Variants in MFSD2A observed in about 807,000 individuals in gnomAD.
The protein encoded by MFSD2A is sodium-dependent lysophosphatidylcholine symporter 1.
In MFSD2A, 27 loss-of-function variants were observed where a neutral mutation model predicts 64.7. The observed-to-expected ratio is 0.42, with a 90% CI of 0.31 to 0.58. The LOEUF (loss-of-function observed/expected upper bound fraction) is 0.58. MFSD2A is among the 20% of genes least tolerant of loss of function. The probability of loss-of-function intolerance (pLI) is 0.18; values close to 1 mark genes in which losing one functional copy is unlikely to be tolerated. For missense variants in MFSD2A, 474 were observed against 679.5 expected, an observed-to-expected ratio of 0.70 and a Z score of 3.36; for synonymous variants, 258 against 273.4, an observed-to-expected ratio of 0.94 and a Z score of 0.55.
chr1:39,966,244 A>G (rs1362665499), intron 6 of MFSD2A, among the ~76,000 whole-genome samples: 1 of 152,156 alleles, frequency 6.6e-6, no homozygotes, highest in Non-Finnish European at 1.5e-5. Context: ...GAGATTTGGG[A>G]AGATTTGAAT....
In MFSD2A at chr1:39,958,922, G is replaced by C. The variant is rs1644980379; in HGVS notation, c.353+97G>C. On this transcript the variant is annotated intron_variant, in intron 3 of 13. Coordinates refer to ENST00000372811, the MANE Select transcript of MFSD2A (RefSeq NM_032793.5). This position sits in a 1 kb window ranked among gnomAD's most constrained non-coding sequence, Gnocchi z 4.7. ...TCTGTCTTGTCACAGGCAGAAGGGTGAGGAGAAGGAAGGAGTTAAAAGCCC... is the reference window on the plus strand; with the variant it reads ...TCTGTCTTGTCACAGGCAGAAGGGTCAGGAGAAGGAAGGAGTTAAAAGCCC... 7.1e-7 allele frequency: 1 copy of C among 1,414,510 alleles called. No individual in the cohort carries two copies. Among genetic ancestry groups the C allele is most frequent in the Non-Finnish European group, 9.5e-7 (1 of 1,048,180 alleles). The allele number at this position is 1,414,510 out of a possible 1,614,324, so 87.6% of individuals were successfully genotyped here.
Position 39,968,261 on chromosome 1 carries a change from G to A in MFSD2A, c.1209-73G>A. The stretch of plus-strand genomic sequence containing the variant: ...ACCCATGGTACTGCAAGCTTCCAGA[G>A]GGCCACCTCTTCTCATTAACACAGA... On this transcript the variant is annotated intron_variant, in intron 11 of 13. Transcript: ENST00000372811. This position sits in a 1 kb window ranked among gnomAD's most constrained non-coding sequence, Gnocchi z 4.4. The A allele has an allele frequency of 1.9e-6, 3 of 1,595,926 alleles. No individual in the cohort carries two copies. Among genetic ancestry groups the A allele is most frequent in the Non-Finnish European group, 2.6e-6 (3 of 1,166,452 alleles).
intron 1 of MFSD2A, 52 bp from the exon 2 acceptor site, chr1:39,957,034 TC>T: frequency 6.2e-7 from 1 of 1,604,442 alleles, no homozygotes; most frequent in Non-Finnish European, 8.5e-7. Flanking sequence ...TGTGGAACCT[TC>T]TTGGATGGAG....
chr1:39,962,575 G>A (rs1645067502), intron 3 of MFSD2A: 2 of 648,760 alleles, frequency 3.1e-6, no homozygotes, highest in East Asian at 2.7e-5. Context: ...GCAGCGGGGG[G>A]GCCTGGAGGC....
At chr1:39,956,768 T>A (rs2124754880) in intron 1 of MFSD2A, among the ~76,000 whole-genome samples, 1 of 151,734 alleles carries the variant, frequency 6.6e-6, no homozygotes, top group Admixed American at 6.6e-5. Flanking sequence ...TACAAAAAAT[T>A]AGCTGGGTGT....
At chr1:39,961,116 C>G (rs909706232) in intron 3 of MFSD2A, among the ~76,000 whole-genome samples, 2 of 151,222 alleles carry the variant, frequency 1.3e-5, no homozygotes, top group Non-Finnish European at 3.0e-5. Context: ...CATGCCTGGC[C>G]AGACCTCTCC....
rs1445864695 is a variant in MFSD2A at position 39,968,382 on chromosome 1, C to T, written c.1257C>T (p.His419=). The change falls in exon 12 of 14, where the codon CAC becomes CAT. Residue 419 remains histidine, a synonymous_variant. Transcript: ENST00000372811. The surrounding 1 kb of genome is among the most constrained non-coding windows in gnomAD (Gnocchi z 4.4). ...ACGACTTCCATCTGAAGCAGCCCCA[C>T]TTCCATGGAACCGAGCCCATCTTCT... The part of the protein sequence containing the change: ...VIDDFHLKQP[H]FHGTEPIFFS... The T allele has an allele frequency of 6.2e-7, 1 of 1,614,216 alleles. No individual in the cohort carries two copies. The highest frequency in any genetic ancestry group is 1.1e-5 in the South Asian group (1 of 91,090).
chr1:39,966,075 C>T, intron 6 of MFSD2A, 61 bp downstream of exon 6: 3 of 1,576,716 alleles, frequency 1.9e-6, no homozygotes. Context: ...GGTTTGTAGT[C>T]ATCCTAAAGA....
intron 8 of MFSD2A, 57 bp downstream of exon 8, chr1:39,966,989 G>A (rs1446210208): frequency 6.2e-7 from 1 of 1,612,512 alleles, no homozygotes; most frequent in African/African-American, 1.3e-5. Flanking sequence ...AGCGGGGTGA[G>A]CAGAGGTCTC....
chr1:39,966,653 G>C lies in MFSD2A; in HGVS notation c.767G>C (p.Cys256Ser). 1 of 1,614,080 alleles carries C rather than the reference G, an allele frequency of 6.2e-7. No individual in the cohort carries two copies. The highest frequency in any genetic ancestry group is 8.5e-7 in the Non-Finnish European group (1 of 1,179,996). Reference protein sequence around the residue: ...AGVIVCIYIICAVILILGVRE... With the variant: ...AGVIVCIYIISAVILILGVRE... The stretch of plus-strand genomic sequence containing the variant: ...GTCATTGTCTGTATCTATATAATCT[G>C]TGCTGTCATCCTGATCCTGGGCGTG... Residue 256 changes from cysteine to serine, a missense_variant, in exon 7 of 14, where the codon TGT becomes TCT. Transcript: ENST00000372811.
rs1404085234 is a variant in MFSD2A at position 39,955,966 on chromosome 1, A to G, written c.93+581A>G. Among the ~76,000 whole-genome samples the G allele has an allele frequency of 6.6e-6, 1 of 152,246 alleles. No individual in the cohort carries two copies. The highest frequency in any genetic ancestry group is 2.4e-5 in the African/African-American group (1 of 41,462). On this transcript the variant is annotated intron_variant, in intron 1 of 13. Transcript: ENST00000372811. The surrounding 1 kb of genome is among the most constrained non-coding windows in gnomAD (Gnocchi z 5.9). ...GCCCTGGGGACTTATTGAAGGACCA[A>G]ATAAAATGAGGCGGCCCCCTAGGAA...
chr1:39,969,406 C>A, intron 13 of MFSD2A, 99 bp from the exon 14 acceptor site: 2 of 1,056,962 alleles, frequency 1.9e-6, no homozygotes, highest in Non-Finnish European at 1.4e-6. Context: ...CACTTTAGTC[C>A]GACAGCAGGG....
At chr1:39,967,562 G>C in intron 9 of MFSD2A, 66 bp from the exon 10 acceptor site, 1 of 1,473,570 alleles carries the variant, frequency 6.8e-7, no homozygotes, top group Non-Finnish European at 9.5e-7. Context: ...TTGGGGTTCT[G>C]GGAAGGGCAG....
intron 1 of MFSD2A, among the ~76,000 whole-genome samples, chr1:39,956,679 C>A (rs1220191849): frequency 6.6e-6 from 1 of 151,958 alleles, no homozygotes; most frequent in Non-Finnish European, 1.5e-5. Flanking sequence ...ATGGAGAACA[C>A]CTTTCTTTTG....
In MFSD2A at chr1:39,955,305, G is replaced by A. The variant is rs748299994; in HGVS notation, c.13G>A (p.Glu5Lys). Reference protein sequence around the residue: MAKGEGAESGSAAGL... With the variant: MAKGKGAESGSAAGL... ...TGGCCCGCGGGTCATGGCCAAAGGA[G>A]AAGGCGCCGAGAGCGGCTCCGCGGC... Residue 5 changes from glutamate to lysine, a missense_variant, in exon 1 of 14, where the codon GAA (glutamate) becomes AAA (lysine). Coordinates refer to ENST00000372811, the MANE Select transcript of MFSD2A (RefSeq NM_032793.5). The surrounding 1 kb of genome is among the most constrained non-coding windows in gnomAD (Gnocchi z 5.9). 7 of 1,444,096 alleles carry A rather than the reference G, an allele frequency of 4.8e-6. No individual in the cohort carries two copies. Among genetic ancestry groups the A allele is most frequent in the Non-Finnish European group, 6.4e-6 (7 of 1,097,014 alleles). 89.5% of individuals were successfully genotyped at this position (1,444,096 alleles called of 1,614,324 possible).
In MFSD2A at chr1:39,956,915, C is replaced by CAAAA. The variant is rs34385828; in HGVS notation, c.94-145_94-142dup. On this transcript the variant is annotated intron_variant, in intron 1 of 13. Coordinates refer to ENST00000372811, the MANE Select transcript of MFSD2A (RefSeq NM_032793.5). ...TGGGCAACAGAGCAAGACTCTGTCT[C>CAAAA]AAAAAAAAAAAAAAAAAAAAAAAAA... 7.1e-4 allele frequency among the ~76,000 whole-genome samples: 25 copies of CAAAA among 35,366 alleles called. 1 individual carries two copies. The highest frequency in any genetic ancestry group is 1.2e-3 in the Non-Finnish European group (23 of 18,670). The allele number at this position is 35,366 out of a possible 152,430, so 23.2% of individuals were successfully genotyped here.
rs747325034 is a variant in MFSD2A at position 39,965,173 on chromosome 1, C to T, written c.354-38C>T. 3.7e-6 allele frequency: 6 copies of T among 1,612,454 alleles called. No individual in the cohort carries two copies. The East Asian group carries it at 6.7e-5, about 18-fold the overall frequency. On this transcript the variant is annotated intron_variant, in intron 3 of 13. Transcript: ENST00000372811. This position sits in a 1 kb window ranked among gnomAD's most constrained non-coding sequence, Gnocchi z 5.5. The stretch of plus-strand genomic sequence containing the variant: ...CTGGGCTGGGCCTGGTCCTGGGCTC[C>T]AGCCTCCAGCCTCCACTCACACCCT...
chr1:39,962,588 T>G, intron 3 of MFSD2A: 2 of 710,272 alleles, frequency 2.8e-6, no homozygotes, highest in South Asian at 3.3e-5. Flanking sequence ...CTGGAGGCCC[T>G]GGTGGCCCTG....
At chr1:39,957,422 T>C (rs1339784846) in intron 2 of MFSD2A, among the ~76,000 whole-genome samples, 1 of 152,174 alleles carries the variant, frequency 6.6e-6, no homozygotes, top group Non-Finnish European at 1.5e-5. Flanking sequence ...CCAGGAGTCT[T>C]TGCTGGAAAG....
Sources: gnomAD v4.1 joint callset for allele counts (sites outside exome capture counted in the v4.1 genomes callset) on GRCh38, gnomAD v4.1.1 for gene constraint, Gnocchi (gnomAD v3.1) non-coding constraint, MANE v1.5 for transcripts, NCBI Gene and HGNC (gene_info 2026-07-23, HGNC 2026-07-21) for gene names.